PCBP3: variants seen among roughly 807,000 people sequenced by gnomAD.
PCBP3 encodes the protein poly(rC) binding protein 3, also known as poly(rC)-binding protein 3.
PCBP3 carries 25 observed loss-of-function variants against 52.7 expected under a neutral mutation model. That is an observed-to-expected ratio of 0.47 (90% CI 0.35 to 0.66). PCBP3 has a LOEUF of 0.66. Among genes scored for constraint, PCBP3 ranks in the 30% least tolerant of loss-of-function variants. The pLI, the probability that PCBP3 is intolerant of heterozygous loss-of-function variation, is 0.01. For missense variants in PCBP3, 391 were observed against 490.3 expected (o/e 0.80, Z 1.91); for synonymous variants, 162 against 183.0 (o/e 0.89, Z 0.93).
chr21:45,907,093 T>A (rs2096230234), intron 9 of PCBP3, among the ~76,000 whole-genome samples: 1 of 152,244 alleles, frequency 6.6e-6, no homozygotes, highest in African/African-American at 2.4e-5. Context: ...GCTCCCTCAC[T>A]GCCTGGACCC....
intron 4 of PCBP3, among the ~76,000 whole-genome samples, chr21:45,838,692 G>A (rs1432499098): frequency 6.6e-6 from 1 of 151,986 alleles, no homozygotes; most frequent in African/African-American, 2.4e-5. Context: ...AACAGGTTTG[G>A]AGAATAATAC....
At chr21:45,711,745 T>A (rs552501961) in intron 2 of PCBP3, among the ~76,000 whole-genome samples, 1 of 152,362 alleles carries the variant, frequency 6.6e-6, no homozygotes, top group Admixed American at 6.5e-5. Flanking sequence ...TTTGTCACTT[T>A]CCGCATCCTG....
intron 4 of PCBP3, among the ~76,000 whole-genome samples, chr21:45,815,784 GGTGAGTGGTGAGTGATGAGTGAGTGGTGA>G (rs2092915541): frequency 1.8e-4 from 17 of 93,502 alleles, no homozygotes; most frequent in African/African-American, 7.3e-4. Flanking sequence ...AGTGATGAGT[GGTGAGTGGTGAGTGATGAGTGAGTGGTGA>G]GTGAGTGGTG....
chr21:45,913,800 C>A (rs2096451816), intron 11 of PCBP3, 151 bp from the exon 12 acceptor site: 5 of 686,560 alleles, frequency 7.3e-6, no homozygotes, highest in Non-Finnish European at 1.2e-5. Context: ...CTTCACTCCC[C>A]TCCCCCAGCA....
chr21:45,856,740 T>C (rs540258020), intron 5 of PCBP3, among the ~76,000 whole-genome samples: 41 of 152,358 alleles, frequency 2.7e-4, no homozygotes, highest in African/African-American at 9.6e-4. Flanking sequence ...CCATGGCCTG[T>C]GACGCAGCCC....
intron 1 of PCBP3, among the ~76,000 whole-genome samples, chr21:45,646,107 C>CTCTGTGTGTGTG (rs1555895746): frequency 0.012 from 992 of 83,808 alleles, 7 homozygotes; most frequent in Non-Finnish European, 0.014. Context: ...CTCTCTCTCT[C>CTCTGTGTGTGTG]TGTGTGTGTG....
intron 4 of PCBP3, among the ~76,000 whole-genome samples, chr21:45,841,024 C>T (rs1424537416): frequency 2.6e-5 from 4 of 152,194 alleles, no homozygotes; most frequent in Non-Finnish European, 5.9e-5. Context: ...GTATTCAGTA[C>T]AGTCATGTGT....
intron 3 of PCBP3, among the ~76,000 whole-genome samples, chr21:45,738,721 CAT>C: frequency 6.6e-6 from 1 of 151,528 alleles, no homozygotes; most frequent in African/African-American, 2.4e-5. Context: ...GTAGCCCCCC[CAT>C]CTTCATCAGC....
In PCBP3 at chr21:45,909,450, C is replaced by G; in HGVS notation, c.435C>G (p.Ile145Met). 1 of 1,613,292 alleles carries G rather than the reference C, an allele frequency of 6.2e-7. No individual in the cohort carries two copies. Among genetic ancestry groups the G allele is most frequent in the Non-Finnish European group, 8.5e-7 (1 of 1,179,732 alleles). The change falls in exon 10 of 18, where the codon ATC (isoleucine) becomes ATG (methionine). Residue 145 changes from isoleucine (I) to methionine (M), a missense_variant. By Grantham distance (10) the Ile-to-Met change is conservative (BLOSUM62 1). Coordinates refer to ENST00000681687, the MANE Select transcript of PCBP3 (RefSeq NM_001384156.1). ...VVPASQCGSL[I>M]GKGGSKIKEI... Reference sequence around the variant, plus strand: ...CTGCCAGCCAGTGTGGGTCCCTGATCGGCAAAGGAGGCTCCAAGATCAAGG... The same window carrying G: ...CTGCCAGCCAGTGTGGGTCCCTGATGGGCAAAGGAGGCTCCAAGATCAAGG...
At chr21:45,851,241 G>C (rs1010981986) in intron 5 of PCBP3, among the ~76,000 whole-genome samples, 2 of 152,264 alleles carry the variant, frequency 1.3e-5, no homozygotes, top group Non-Finnish European at 2.9e-5. Context: ...AGGGCCGGGC[G>C]TGGTGGCTCA....
intron 4 of PCBP3, among the ~76,000 whole-genome samples, chr21:45,783,967 C>T (rs557811683): frequency 3.9e-5 from 6 of 152,244 alleles, no homozygotes; most frequent in South Asian, 4.2e-4. Context: ...AAAATGGTTG[C>T]AGTTTTATAG....
In PCBP3 at chr21:45,649,769, G is replaced by A. The variant is rs564413831; in HGVS notation, c.-279+5901G>A. On this transcript the variant is annotated intron_variant, in intron 1 of 17. Transcript: ENST00000681687. The stretch of plus-strand genomic sequence containing the variant: ...GTTTTTCATTTAAAAGAAATGCTGT[G>A]AAAGACTGAATTATGAACTTTGTTA... Among the ~76,000 whole-genome samples the A allele has an allele frequency of 3.4e-4, 51 of 151,896 alleles. 1 individual carries two copies. Among genetic ancestry groups the A allele is most frequent in the Middle Eastern group, 3.4e-3 (1 of 292 alleles).
intron 3 of PCBP3, among the ~76,000 whole-genome samples, chr21:45,739,808 C>G (rs1402616626): frequency 1.3e-5 from 2 of 152,228 alleles, no homozygotes; most frequent in Non-Finnish European, 2.9e-5. Flanking sequence ...CCATCTTCAT[C>G]AGCCCACAGC....
intron 2 of PCBP3, among the ~76,000 whole-genome samples, chr21:45,728,189 A>G (rs1323143016): frequency 6.6e-6 from 1 of 152,192 alleles, no homozygotes; most frequent in Non-Finnish European, 1.5e-5. Context: ...GTAAACATTC[A>G]GTTTTCACCC....
intron 4 of PCBP3, among the ~76,000 whole-genome samples, chr21:45,771,415 GTGAC>G (rs1285769052): frequency 6.6e-6 from 1 of 152,140 alleles, no homozygotes; most frequent in Non-Finnish European, 1.5e-5. Flanking sequence ...AGTGTGGTGG[GTGAC>G]TGAAAAGTAA....
At chr21:45,816,416 A>G (rs2092956950) in intron 4 of PCBP3, among the ~76,000 whole-genome samples, 1 of 147,884 alleles carries the variant, frequency 6.8e-6, no homozygotes, top group Non-Finnish European at 1.5e-5. Flanking sequence ...AGAATTTTTC[A>G]TGTTTAAGAT....
rs539406216 is a variant in PCBP3 at position 45,821,627 on chromosome 21, G to A, written c.-125-28334G>A. Among the ~76,000 whole-genome samples, 93 of 148,498 alleles carry A rather than the reference G, an allele frequency of 6.3e-4. 1 individual carries two copies. The highest frequency in any genetic ancestry group is 6.8e-3 in the Middle Eastern group (2 of 294). On this transcript the variant is annotated intron_variant, in intron 4 of 17. Transcript: ENST00000681687. This position sits in a 1 kb window ranked among gnomAD's most constrained non-coding sequence, Gnocchi z 4.4. ...CACCTGTCTCCCTGGTTCTTGTTCT[G>A]GCTTCTCCACGGGACCCTCCTGTCC...
Position 45,929,297 on chromosome 21 carries a change from A to G in PCBP3, c.718-620A>G, listed in dbSNP as rs549325972. ...GCCTTCCACAGAACCTTCTAGCACT[A>G]GTGTTCTGTAATCCCAGGAAAGGCA... On this transcript the variant is annotated intron_variant, in intron 13 of 17. Transcript: ENST00000681687. Among the ~76,000 whole-genome samples the G allele has an allele frequency of 9.9e-5, 15 of 152,196 alleles. No individual in the cohort carries two copies. In the South Asian group the frequency reaches 3.1e-3, roughly 32 times the overall value.
chr21:45,864,908 A>T (rs1298687041), intron 5 of PCBP3, among the ~76,000 whole-genome samples: 1 of 152,232 alleles, frequency 6.6e-6, no homozygotes, highest in Non-Finnish European at 1.5e-5. Flanking sequence ...TGATAACAAA[A>T]AGAAGCTTTT....
Sources: gnomAD v4.1 joint callset for allele counts (sites outside exome capture counted in the v4.1 genomes callset) on GRCh38, gnomAD v4.1.1 for gene constraint, Gnocchi (gnomAD v3.1) non-coding constraint, MANE v1.5 for transcripts, NCBI Gene and HGNC (gene_info 2026-07-23, HGNC 2026-07-21) for gene names.